Variants in PCLO observed in about 807,000 individuals in gnomAD.
PCLO encodes the protein protein piccolo.
Under a neutral mutation model 427.5 loss-of-function variants are expected in PCLO, and 82 were observed. The ratio of observed to expected loss-of-function variants is 0.19; its 90% CI spans 0.16 to 0.23. PCLO has a LOEUF of 0.23. Among genes scored for constraint, PCLO ranks in the 10% least tolerant of loss-of-function variants. PCLO has a pLI of 1.00. For missense variants in PCLO, 6,239 were observed against 6,115.9 expected (o/e 1.02, Z -0.67); for synonymous variants, 2,357 against 2,155.4 (o/e 1.09, Z -2.59).
At chr7:83,159,622 A>G (rs1025577595) in intron 1 of PCLO, among the ~76,000 whole-genome samples, 1 of 152,052 alleles carries the variant, frequency 6.6e-6, no homozygotes, top group Non-Finnish European at 1.5e-5. Flanking sequence ...GCAGAAAACA[A>G]AATATTTCCC....
At chr7:83,117,968 A>G (rs1173736344) in intron 3 of PCLO, among the ~76,000 whole-genome samples, 1 of 152,220 alleles carries the variant, frequency 6.6e-6, no homozygotes, top group Non-Finnish European at 1.5e-5. Context: ...ACTGAACAAT[A>G]TATAACAGTA....
At chr7:82,885,935 T>C (rs992019071) in intron 9 of PCLO, among the ~76,000 whole-genome samples, 3 of 152,178 alleles carry the variant, frequency 2.0e-5, no homozygotes, top group Non-Finnish European at 4.4e-5. Flanking sequence ...GTGAGTCTCC[T>C]GTCTGGTTTA....
In PCLO at chr7:82,824,371, T is replaced by C. The variant is rs2115660501; in HGVS notation, c.14461A>G (p.Arg4821Gly). 1.2e-6 allele frequency: 2 copies of C among 1,612,182 alleles called. No homozygotes were observed. Among genetic ancestry groups the C allele is most frequent in the Non-Finnish European group, 1.7e-6 (2 of 1,178,600 alleles). ...GTCTGTTCTTTGAGAGGATACCACC[T>C]TGGAGTGTTATCGAGGTGAGATGTG... is the stretch of plus-strand genomic sequence containing the variant. ...SSTSHLDNTPRWYPLKEQTES... is the reference protein window; with the variant it reads ...SSTSHLDNTPGWYPLKEQTES... The change falls in exon 19 of 25, where the codon AGG (arginine) becomes GGG (glycine). Residue 4821 changes from arginine (R) to glycine (G), a missense_variant. Around this residue, in one of 5 missense-constraint regions of PCLO, gnomAD observed 877 missense variants for 925.5 expected, o/e 0.95. Coordinates refer to ENST00000333891, the MANE Select transcript of PCLO (RefSeq NM_033026.6).
chr7:82,819,496 A>C (rs1213321796), intron 20 of PCLO, among the ~76,000 whole-genome samples: 8 of 149,798 alleles, frequency 5.3e-5, no homozygotes, highest in Non-Finnish European at 1.0e-4. Flanking sequence ...AAGAACGTGA[A>C]TAACATGAAG....
chr7:82,883,111 T>G (rs1245455754), intron 9 of PCLO, among the ~76,000 whole-genome samples: 1 of 152,170 alleles, frequency 6.6e-6, no homozygotes, highest in Admixed American at 6.5e-5. Context: ...ATGAATAGTT[T>G]AAATCAACTG....
At chr7:82,794,358 T>C (rs1240540155) in intron 22 of PCLO, among the ~76,000 whole-genome samples, 1 of 151,626 alleles carries the variant, frequency 6.6e-6, no homozygotes, top group East Asian at 1.9e-4. Flanking sequence ...GGTTAATCAC[T>C]TAATTGTTTT....
chr7:82,861,771 C>A (rs1474959091), intron 10 of PCLO, among the ~76,000 whole-genome samples: 1 of 151,858 alleles, frequency 6.6e-6, no homozygotes, highest in Non-Finnish European at 1.5e-5. Context: ...TGGAAATCAC[C>A]AAGTATTTTC....
intron 3 of PCLO, among the ~76,000 whole-genome samples, chr7:83,017,529 C>T (rs541173203): frequency 1.3e-5 from 2 of 152,002 alleles, no homozygotes; most frequent in Non-Finnish European, 2.9e-5. Context: ...AAGCAGATCA[C>T]ATAGGTTCAC....
chr7:82,875,038 C>T (rs1317609509), intron 10 of PCLO, among the ~76,000 whole-genome samples: 1 of 152,096 alleles, frequency 6.6e-6, no homozygotes, highest in Non-Finnish European at 1.5e-5. Flanking sequence ...AGAACAAAGA[C>T]TAATTTATGC....
At chr7:83,043,727 A>T (rs1789027206) in intron 3 of PCLO, among the ~76,000 whole-genome samples, 1 of 152,084 alleles carries the variant, frequency 6.6e-6, no homozygotes. Context: ...CAACTTAAAG[A>T]TTCAGGCTGT....
At chr7:83,087,171 T>C (rs1019960755) in intron 3 of PCLO, among the ~76,000 whole-genome samples, 1 of 150,880 alleles carries the variant, frequency 6.6e-6, no homozygotes, top group Non-Finnish European at 1.5e-5. Flanking sequence ...TGTATACACA[T>C]GTAACAAATT....
chr7:82,795,291 C>A (rs553847202), intron 22 of PCLO, among the ~76,000 whole-genome samples: 5 of 151,980 alleles, frequency 3.3e-5, no homozygotes, highest in Non-Finnish European at 4.4e-5. Flanking sequence ...TTAAGTTATC[C>A]ATTTGCCCAT....
At chr7:82,794,907 G>T (rs1339090129) in intron 22 of PCLO, among the ~76,000 whole-genome samples, 2 of 151,912 alleles carry the variant, frequency 1.3e-5, no homozygotes, top group African/African-American at 4.8e-5. Context: ...TTTATCATTT[G>T]CTCATTGCTT....
At chr7:82,989,216 A>T (rs768153131) in intron 3 of PCLO, among the ~76,000 whole-genome samples, 1 of 152,106 alleles carries the variant, frequency 6.6e-6, no homozygotes, top group African/African-American at 2.4e-5. Flanking sequence ...GGTGAAAGGC[A>T]ATAGTTGTTT....
intron 10 of PCLO, among the ~76,000 whole-genome samples, chr7:82,855,758 T>G (rs1320931977): frequency 6.6e-6 from 1 of 152,044 alleles, no homozygotes; most frequent in Non-Finnish European, 1.5e-5. Flanking sequence ...GGGAGATTGA[T>G]GAAAAATTAT....
intron 10 of PCLO, chr7:82,868,148 C>T (rs1194034192): frequency 2.2e-6 from 1 of 456,570 alleles, no homozygotes; most frequent in African/African-American, 2.0e-5. Context: ...GCTCACTCAT[C>T]TGTGTGCTGT....
intron 22 of PCLO, among the ~76,000 whole-genome samples, chr7:82,772,371 A>G (rs1252429301): frequency 6.6e-6 from 1 of 152,096 alleles, no homozygotes; most frequent in African/African-American, 2.4e-5. Flanking sequence ...TTATATGTAT[A>G]TCAGAGCCTC....
At chr7:82,829,053 T>C (rs908205439) in intron 16 of PCLO, among the ~76,000 whole-genome samples, 4 of 152,114 alleles carry the variant, frequency 2.6e-5, no homozygotes, top group African/African-American at 9.7e-5. Context: ...TCTCAAGTAT[T>C]GCCATATCCT....
At chr7:83,070,415 T>G (rs1288006910) in intron 3 of PCLO, among the ~76,000 whole-genome samples, 2 of 146,362 alleles carry the variant, frequency 1.4e-5, no homozygotes, top group African/African-American at 5.1e-5. Context: ...GGAGACCAAG[T>G]CTCGCTCTGT....
Sources: gnomAD v4.1 joint callset for allele counts (sites outside exome capture counted in the v4.1 genomes callset) on GRCh38, gnomAD v4.1.1 for gene constraint, gnomAD v4.1.1 regional missense constraint, MANE v1.5 for transcripts, NCBI Gene and HGNC (gene_info 2026-07-23, HGNC 2026-07-21) for gene names.